The following CSMD1 variants were observed in gnomAD, a reference collection of about 807,000 sequenced individuals.
CSMD1 encodes the protein CUB and sushi domain-containing protein 1.
A neutral mutation model predicts 417.5 loss-of-function variants in CSMD1; 213 were observed. The ratio of observed to expected loss-of-function variants is 0.51; its 90% CI spans 0.46 to 0.57. CSMD1 has a LOEUF of 0.57. Among genes scored for constraint, CSMD1 ranks in the 20% least tolerant of loss-of-function variants. The pLI is 0.00. For missense variants in CSMD1, 6,923 were observed against 4,529.7 expected, an observed-to-expected ratio of 1.53 and a Z score of -15.17; for synonymous variants, 2,862 against 1,736.8, an observed-to-expected ratio of 1.65 and a Z score of -16.11.
At chr8:4,661,054 T>C (rs1481816653) in intron 1 of CSMD1, among the ~76,000 whole-genome samples, 2 of 152,154 alleles carry the variant, frequency 1.3e-5, no homozygotes, top group South Asian at 2.1e-4. Context: ...CGGGAAACAG[T>C]TGGCAGTTTC....
intron 1 of CSMD1, among the ~76,000 whole-genome samples, chr8:4,691,817 G>C (rs1431230173): frequency 1.3e-5 from 2 of 152,240 alleles, no homozygotes; most frequent in African/African-American, 4.8e-5. Flanking sequence ...AACCACAGCA[G>C]ATAAAGTCGA....
At chr8:4,170,605 C>G (rs1489421425) in intron 3 of CSMD1, among the ~76,000 whole-genome samples, 1 of 151,778 alleles carries the variant, frequency 6.6e-6, no homozygotes, top group Non-Finnish European at 1.5e-5. Flanking sequence ...TCTGTTTCTA[C>G]AAACATGAAT....
At chr8:4,573,994 G>A (rs937560947) in intron 2 of CSMD1, among the ~76,000 whole-genome samples, 1 of 152,172 alleles carries the variant, frequency 6.6e-6, no homozygotes, top group African/African-American at 2.4e-5. Flanking sequence ...AAGTCTCCCA[G>A]CTCGACTTCA....
At chr8:3,259,356 C>T (rs1421205894) in intron 26 of CSMD1, among the ~76,000 whole-genome samples, 2 of 152,174 alleles carry the variant, frequency 1.3e-5, no homozygotes, top group African/African-American at 4.8e-5. Flanking sequence ...TCACTCAGTC[C>T]TGCTTAGCTC....
intron 7 of CSMD1, among the ~76,000 whole-genome samples, chr8:3,676,356 G>A (rs577653776): frequency 6.6e-6 from 1 of 152,254 alleles, no homozygotes; most frequent in East Asian, 1.9e-4. Flanking sequence ...CCGCCCGCCA[G>A]GCAGGATTGT....
chr8:3,209,477 C>T (rs960908594), intron 30 of CSMD1, among the ~76,000 whole-genome samples: 14 of 151,902 alleles, frequency 9.2e-5, no homozygotes, highest in African/African-American at 2.2e-4. Context: ...CCACCATGCC[C>T]GGCTAATTTT....
intron 18 of CSMD1, among the ~76,000 whole-genome samples, chr8:3,381,932 T>C (rs1810656096): frequency 6.6e-6 from 1 of 152,148 alleles, no homozygotes; most frequent in Non-Finnish European, 1.5e-5. Flanking sequence ...ACAACATGCA[T>C]TGTTCTATTA....
chr8:4,981,613 G>A (rs1391769747), intron 1 of CSMD1, among the ~76,000 whole-genome samples: 1 of 152,052 alleles, frequency 6.6e-6, no homozygotes, highest in African/African-American at 2.4e-5. Context: ...GTACTTAATG[G>A]TTGCTAAGCT....
chr8:3,080,188 G>A (rs1204379961), intron 49 of CSMD1, among the ~76,000 whole-genome samples: 5 of 152,168 alleles, frequency 3.3e-5, no homozygotes, highest in African/African-American at 1.2e-4. Flanking sequence ...TCTTTGACCA[G>A]GGAACTTGAA....
intron 2 of CSMD1, among the ~76,000 whole-genome samples, chr8:4,590,201 T>A (rs1198335199): frequency 1.3e-5 from 2 of 152,092 alleles, no homozygotes; most frequent in African/African-American, 4.8e-5. Context: ...GAGACCAGGA[T>A]AACTCATCTG....
chr8:4,925,932 G>C (rs994863348), intron 1 of CSMD1, among the ~76,000 whole-genome samples: 2 of 152,160 alleles, frequency 1.3e-5, no homozygotes, highest in African/African-American at 4.8e-5. Flanking sequence ...GTCATTTGAT[G>C]CATTTCCAGC....
intron 3 of CSMD1, among the ~76,000 whole-genome samples, chr8:4,211,253 G>C (rs866470959): frequency 6.6e-6 from 1 of 151,890 alleles, no homozygotes. Context: ...AGGGGGAAAA[G>C]AAACTGAAAG....
chr8:2,938,636 G>C lies in CSMD1; in HGVS notation c.10644C>G (p.Ala3548=), dbSNP rs754738855. The C allele has an allele frequency of 1.9e-6, 3 of 1,611,668 alleles. No homozygotes were observed. Among genetic ancestry groups the C allele is most frequent in the Admixed American group, 1.7e-5 (1 of 59,750 alleles). The change falls in exon 70 of 70, where the codon GCC becomes GCG. Residue 3548 remains alanine (A), a synonymous_variant. Coordinates refer to ENST00000635120, the MANE Select transcript of CSMD1 (RefSeq NM_033225.6). ...MYDTNLKPTE[A]KAVRFDTTLN... ...GAGTTGTGTCAAACCTCACAGCCTTGGCTTCTGTGGGTTTTAAGTTTGTAT... is the reference window on the plus strand; with the variant it reads ...GAGTTGTGTCAAACCTCACAGCCTTCGCTTCTGTGGGTTTTAAGTTTGTAT...
At chr8:4,569,492 C>T (rs1010803014) in intron 2 of CSMD1, among the ~76,000 whole-genome samples, 1 of 152,126 alleles carries the variant, frequency 6.6e-6, no homozygotes, top group Admixed American at 6.6e-5. Context: ...TGTTCTGTTC[C>T]ATTGGTCTCT....
chr8:4,031,467 C>G (rs527434361), intron 4 of CSMD1, among the ~76,000 whole-genome samples: 1 of 152,106 alleles, frequency 6.6e-6, no homozygotes, highest in Admixed American at 6.5e-5. Flanking sequence ...GAGAACGGCA[C>G]AGGAAACACT....
intron 1 of CSMD1, among the ~76,000 whole-genome samples, chr8:4,771,475 A>T (rs529581208): frequency 6.6e-5 from 10 of 152,254 alleles, no homozygotes; most frequent in Non-Finnish European, 5.9e-5. Flanking sequence ...TGCGAAGCTC[A>T]GTCGTGAGAA....
At chr8:3,113,410 A>G (rs1816656457) in intron 42 of CSMD1, 1 of 152,280 alleles carries the variant, frequency 6.6e-6, no homozygotes, top group African/African-American at 2.4e-5. Flanking sequence ...AAGACAGTGA[A>G]GGAGGGAATT....
intron 4 of CSMD1, among the ~76,000 whole-genome samples, chr8:4,002,992 T>G (rs919622429): frequency 6.7e-6 from 1 of 149,858 alleles, no homozygotes; most frequent in Non-Finnish European, 1.5e-5. Context: ...TCTACCTGTT[T>G]AATTTTTTCA....
chr8:3,070,472 T>C (rs1410650510), intron 49 of CSMD1, among the ~76,000 whole-genome samples: 1 of 152,188 alleles, frequency 6.6e-6, no homozygotes, highest in Non-Finnish European at 1.5e-5. Context: ...TTTTGCTGCT[T>C]TGAAATTTCT....
Sources: allele counts gnomAD v4.1 joint callset (sites outside exome capture counted in the v4.1 genomes callset), GRCh38; gene constraint gnomAD v4.1.1; transcripts MANE v1.5; gene names NCBI Gene and HGNC (gene_info 2026-07-23, HGNC 2026-07-21).